A2ML1: variants seen among roughly 807,000 people sequenced by gnomAD.
A2ML1 encodes the protein alpha-2-macroglobulin like 1, also known as alpha-2-macroglobulin-like protein 1.
Under a neutral mutation model 181.9 loss-of-function variants are expected in A2ML1, and 161 were observed. That is an observed-to-expected ratio of 0.89 (90% confidence interval 0.78 to 1.01). A2ML1 has a LOEUF of 1.01. Ranked by LOEUF, A2ML1 falls within the 50% of genes least tolerant of loss-of-function variation. The pLI is 0.00. For missense variants in A2ML1, 1,670 were observed against 1,768.1 expected, an observed-to-expected ratio of 0.94 and a Z score of 1.00; for synonymous variants, 663 against 666.8, an observed-to-expected ratio of 0.99 and a Z score of 0.09.
At position 8,829,605 on chromosome 12, in the gene A2ML1, C is replaced by G. The variant is rs764743549; in HGVS notation, c.410-122C>G. On this transcript the variant is annotated intron_variant, in intron 3 of 35. Coordinates refer to ENST00000299698, the MANE Select transcript of A2ML1 (RefSeq NM_144670.6). ...AGGAGTTTGAGGCTGAAGTGAGCCA[C>G]GGTTGTGCCACTGCACTCCAACCTG... The G allele has an allele frequency of 2.1e-4, 194 of 911,804 alleles. No individual in the cohort carries two copies. The African/African-American group carries it at 3.1e-3, about 15-fold the overall frequency. The allele number at this position is 911,804 out of a possible 1,614,324, so 56.5% of individuals were successfully genotyped here. A position where few individuals can be genotyped will look rare whatever the true frequency, so the allele number is the denominator to read the frequency against.
intron 33 of A2ML1, among the ~76,000 whole-genome samples, chr12:8,870,416 C>T (rs1944581318): frequency 2.0e-5 from 3 of 152,126 alleles, no homozygotes; most frequent in South Asian, 2.1e-4. Context: ...CACATGCGCC[C>T]GCCACCATGC....
At position 8,838,473 on chromosome 12, in the gene A2ML1, C is replaced by A. The variant is rs762733139; in HGVS notation, c.970+23C>A. On this transcript the variant is annotated intron_variant, in intron 9 of 35. Coordinates refer to ENST00000299698, the MANE Select transcript of A2ML1 (RefSeq NM_144670.6). ...CAGGTAAGTAGGGTGCTCCTTGGCT[C>A]ATTAAGAAAAGAGAAAGAAAAAGGG... is the stretch of plus-strand genomic sequence containing the variant. The A allele has an allele frequency of 3.8e-6, 6 of 1,582,058 alleles. No homozygotes were observed. The South Asian group carries it at 4.5e-5, about 12-fold the overall frequency.
Position 8,823,174 on chromosome 12 carries a change from T to C in A2ML1, c.63-8T>C. 1 of 1,612,766 alleles carries C rather than the reference T, an allele frequency of 6.2e-7. No homozygotes were observed. Among genetic ancestry groups the C allele is most frequent in the Non-Finnish European group, 8.5e-7 (1 of 1,179,512 alleles). On this transcript the variant is annotated splice_polypyrimidine_tract_variant and splice_region_variant and intron_variant, in intron 1 of 35. Transcript: ENST00000299698. ...TATTGCCCTGAAATCCTTCTGCTCC[T>C]TTAATAGAAACTACCTGGTGACATT...
chr12:8,835,070 A>G, intron 5 of A2ML1: 1 of 281,152 alleles, frequency 3.6e-6, no homozygotes, highest in East Asian at 7.4e-5. Context: ...TTTAAAGGAA[A>G]GGCTCTAGAA....
chr12:8,848,052 G>A (rs766028206), intron 15 of A2ML1, among the ~76,000 whole-genome samples: 1 of 150,318 alleles, frequency 6.7e-6, no homozygotes, highest in Non-Finnish European at 1.5e-5. Flanking sequence ...GCTGAGGCAG[G>A]AGAATCACTT....
At position 8,851,789 on chromosome 12, in the gene A2ML1, CG is replaced by C; in HGVS notation, c.2244del (p.Lys749ArgfsTer18). ...WLWDLFPIGN[S>X]GKEAVHVTVP... The stretch of plus-strand genomic sequence containing the variant: ...TGGTCCTTGTGTTTTCACAGTAACT[CG>C]GGGAAGGAGGCGGTCCACGTCACAG... On this transcript the variant is annotated frameshift_variant, in exon 19 of 36. Coordinates refer to ENST00000299698, the MANE Select transcript of A2ML1 (RefSeq NM_144670.6). LOFTEE classifies it high-confidence loss of function. 1 of 1,614,002 alleles carries C rather than the reference CG, an allele frequency of 6.2e-7. No individual in the cohort carries two copies. The highest frequency in any genetic ancestry group is 8.5e-7 in the Non-Finnish European group (1 of 1,179,994).
intron 31 of A2ML1, 80 bp from the exon 32 acceptor site, chr12:8,868,451 TGTGTAC>T (rs1435321821): frequency 2.4e-5 from 36 of 1,472,046 alleles, no homozygotes; most frequent in Non-Finnish European, 3.3e-5. Flanking sequence ...TGTATGTGTG[TGTGTAC>T]GTGTGTGTGT....
downstream of A2ML1, among the ~76,000 whole-genome samples, chr12:8,881,117 C>G (rs1944866308): frequency 6.6e-6 from 1 of 152,142 alleles, no homozygotes; most frequent in Non-Finnish European, 1.5e-5. Context: ...GAATTCTAGA[C>G]TGTGGATTAC....
At chr12:8,834,977 T>C in intron 5 of A2ML1, 1 of 455,650 alleles carries the variant, frequency 2.2e-6, no homozygotes. Flanking sequence ...CTTGGTTCCA[T>C]ACTCCCCTTA....
intron 33 of A2ML1, among the ~76,000 whole-genome samples, chr12:8,872,786 A>C (rs1944671775): frequency 6.7e-6 from 1 of 148,876 alleles, no homozygotes; most frequent in African/African-American, 2.5e-5. Flanking sequence ...TCCATCTCAA[A>C]AAAAAAAAAA....
chr12:8,854,853 T>C (rs1944007959), intron 22 of A2ML1, 22 bp downstream of exon 22: 6 of 1,613,216 alleles, frequency 3.7e-6, no homozygotes, highest in Non-Finnish European at 5.1e-6. Context: ...CAGAGCAGGA[T>C]TGGTGGTGAG....
At chr12:8,874,258 C>T (rs1944725713) in intron 33 of A2ML1, among the ~76,000 whole-genome samples, 167 bp from the exon 34 acceptor site, 1 of 152,166 alleles carries the variant, frequency 6.6e-6, no homozygotes, top group African/African-American at 2.4e-5. Context: ...TCTGGTGATT[C>T]ACCCACTTCG....
rs752425903 is a variant in A2ML1 at position 8,841,516 on chromosome 12, G to A, written c.1228G>A (p.Gly410Arg). 3.7e-6 allele frequency: 6 copies of A among 1,613,532 alleles called. No individual in the cohort carries two copies. The African/African-American group carries it at 8.0e-5, about 22-fold the overall frequency. Residue 410 changes from glycine to arginine, a missense_variant, in exon 11 of 36, where the codon GGG becomes AGG. By Grantham distance (125) the Gly-to-Arg change is moderately radical. Coordinates refer to ENST00000299698, the MANE Select transcript of A2ML1 (RefSeq NM_144670.6). ...TACCTTGGAGACATCCGGTTGGAAT[G>A]GGACAGACGTTTCTCTGGAGGTAAG... Reference protein sequence around the residue: ...PFTLETSGWNGTDVSLEGKFQ... With the variant: ...PFTLETSGWNRTDVSLEGKFQ...
In A2ML1 at chr12:8,857,539, A is replaced by G. The variant is rs1020098673; in HGVS notation, c.3058A>G (p.Asn1020Asp). The change falls in exon 25 of 36, where the codon AAT becomes GAT. Residue 1020 changes from asparagine (N) to aspartate (D), a missense_variant. Transcript: ENST00000299698. ...YQKELMYKHS[N>D]GSYSAFGERD... is the part of the protein sequence containing the mutation. ...GAAGGAGCTGATGTACAAACACAGCAATGGCTCATACAGTGCCTTTGGGGA... is the reference window on the plus strand; with the variant it reads ...GAAGGAGCTGATGTACAAACACAGCGATGGCTCATACAGTGCCTTTGGGGA... 2 of 1,612,340 alleles carry G rather than the reference A, an allele frequency of 1.2e-6. No individual in the cohort carries two copies. Among genetic ancestry groups the G allele is most frequent in the Admixed American group, 3.3e-5 (2 of 59,710 alleles).
chr12:8,845,192 T>A, intron 12 of A2ML1: 1 of 1,534,068 alleles, frequency 6.5e-7, no homozygotes, highest in Non-Finnish European at 8.7e-7. Flanking sequence ...ACAATTTCTA[T>A]GCTGTCAGAC....
intron 10 of A2ML1, among the ~76,000 whole-genome samples, chr12:8,841,025 A>AC (rs1565471229): frequency 7.9e-6 from 1 of 126,336 alleles, no homozygotes; most frequent in Admixed American, 8.0e-5. Context: ...GAAGGAAGGA[A>AC]GGAAGGAAGG....
chr12:8,860,198 T>C (rs759105), intron 26 of A2ML1, among the ~76,000 whole-genome samples: 150,544 of 152,038 alleles, frequency 0.99, 74,555 homozygotes, highest in Middle Eastern at 1. Flanking sequence ...CACGTGCCAC[T>C]ACACCTGGCT....
rs200056146 is a variant in A2ML1, at chr12:8,827,559, A to G, written c.410-2168A>G. On this transcript the variant is annotated intron_variant, in intron 3 of 35. Transcript: ENST00000299698. ...TCAAAACAGCTATTTTGAATTCTCGATCTGAAAGATCACTATCTTTGTTTC... is the reference window on the plus strand; with the variant it reads ...TCAAAACAGCTATTTTGAATTCTCGGTCTGAAAGATCACTATCTTTGTTTC... Among the ~76,000 whole-genome samples the G allele has an allele frequency of 5.3e-5, 8 of 152,122 alleles. No individual in the cohort carries two copies. In the East Asian group the frequency reaches 1.5e-3, roughly 29 times the overall value.
chr12:8,879,962 G>T (rs1944854025), downstream of A2ML1, among the ~76,000 whole-genome samples: 1 of 152,182 alleles, frequency 6.6e-6, no homozygotes, highest in South Asian at 2.1e-4. Context: ...TAAATAAAAT[G>T]AAGTTTCTCT....
Sources: allele counts gnomAD v4.1 joint callset (sites outside exome capture counted in the v4.1 genomes callset), GRCh38; gene constraint gnomAD v4.1.1; transcripts MANE v1.5; gene names NCBI Gene and HGNC (gene_info 2026-07-23, HGNC 2026-07-21).